ZNF551: variants seen among roughly 807,000 people sequenced by gnomAD.
ZNF551 encodes the protein KOX 23 protein (56 AA).
A neutral mutation model predicts 7.9 loss-of-function variants in ZNF551; 5 were observed. The observed-to-expected ratio is 0.63, with a 90% CI of 0.33 to 1.33. ZNF551 has a LOEUF of 1.33. Ranked by LOEUF, ZNF551 falls within the 40% of genes most tolerant of loss-of-function variation. The pLI is 0.05. For synonymous variants in ZNF551, 287 were observed against 277.3 expected (o/e 1.03, Z -0.35); for missense variants, 788 against 825.2 (o/e 0.95, Z 0.55).
Position 57,686,669 on chromosome 19 carries a change from T to C in ZNF551, c.394T>C (p.Tyr132His), listed in dbSNP as rs559577528. 6.2e-7 allele frequency: 1 copy of C among 1,614,206 alleles called. No homozygotes were observed. The highest frequency in any genetic ancestry group is 1.1e-5 in the South Asian group (1 of 91,088). The stretch of plus-strand genomic sequence containing the variant: ...AACCACATCCCCTGTGCAAAAGTCA[T>C]ACTTGGGTAGCACAAGCATGAGAGG... The part of the protein sequence containing the change: ...HQTTSPVQKS[Y>H]LGSTSMRGFC... Residue 132 changes from tyrosine to histidine, a missense_variant, in exon 3 of 3, where the codon TAC (tyrosine) becomes CAC (histidine). Physicochemically the swap from Tyr to His is moderately conservative, Grantham distance 83. Transcript: ENST00000282296.
chr19:57,683,620 G>A (rs535756480), intron 1 of ZNF551, among the ~76,000 whole-genome samples: 3 of 152,208 alleles, frequency 2.0e-5, no homozygotes, highest in South Asian at 4.1e-4. Context: ...TAGAGGGGAA[G>A]CCTGCTCACA....
chr19:57,685,050 G>A (rs553024036), intron 1 of ZNF551, among the ~76,000 whole-genome samples: 2 of 152,284 alleles, frequency 1.3e-5, no homozygotes, highest in South Asian at 2.1e-4. Flanking sequence ...CATGCCCAGA[G>A]CTTAGATAGC....
rs1383343521 is a variant in ZNF551, at chr19:57,687,480, A to T, written c.1205A>T (p.Gln402Leu). 1 of 1,614,022 alleles carries T rather than the reference A, an allele frequency of 6.2e-7. No individual in the cohort carries two copies. Among genetic ancestry groups the T allele is most frequent in the Non-Finnish European group, 8.5e-7 (1 of 1,180,000 alleles). The change falls in exon 3 of 3, where the codon CAA (glutamine) becomes CTA (leucine). Residue 402 changes from glutamine to leucine, a missense_variant. Physicochemically the swap from Gln to Leu is moderately radical, Grantham distance 113 (BLOSUM62 -2). Transcript: ENST00000282296. The stretch of plus-strand genomic sequence containing the variant: ...TGTGAGTGTGGGAAATCCTTTAGAC[A>T]AATCTTCAATCTCATTCGACATAGA... ...QCCECGKSFR[Q>L]IFNLIRHRRV...
At chr19:57,682,337 GCCCCAGT>G in intron 1 of ZNF551, 93 bp downstream of exon 1, 1 of 1,349,942 alleles carries the variant, frequency 7.4e-7, no homozygotes, top group African/African-American at 1.5e-5. Context: ...TGCAGCCCAG[GCCCCAGT>G]ACCCTGGACA....
In ZNF551 at chr19:57,686,904, G is replaced by A; in HGVS notation, c.629G>A (p.Ser210Asn). 6.2e-7 allele frequency: 1 copy of A among 1,614,172 alleles called. No individual in the cohort carries two copies. Among genetic ancestry groups the A allele is most frequent in the African/African-American group, 1.3e-5 (1 of 75,026 alleles). The change falls in exon 3 of 3, where the codon AGC becomes AAC. Residue 210 changes from serine (S) to asparagine (N), a missense_variant. Ser to Asn is a conservative substitution (Grantham distance 46). Transcript: ENST00000282296. Reference protein sequence around the residue: ...PSGEEPHSSSSKHIQAFFNAK... With the variant: ...PSGEEPHSSSNKHIQAFFNAK... ...GGTGAGGAGCCACACAGTAGCAGCA[G>A]CAAGCATATACAGGCATTTTTCAAT...
chr19:57,685,363 C>G lies in ZNF551; in HGVS notation c.183C>G (p.Asn61Lys), dbSNP rs944395012. Residue 61 changes from asparagine (N) to lysine (K), a missense_variant, in exon 2 of 3, where the codon AAC (asparagine) becomes AAG (lysine). By Grantham distance (94) the Asn-to-Lys change is moderately conservative. Transcript: ENST00000282296. ...TGTACTGCGATGTGATGCTGGAGAA[C>G]TTTGCACATGTAACATCCCTGGGTA... is the stretch of plus-strand genomic sequence containing the variant. ...RFLYCDVMLE[N>K]FAHVTSLGYC... The G allele has an allele frequency of 2.5e-6, 4 of 1,614,104 alleles. No homozygotes were observed. Among genetic ancestry groups the G allele is most frequent in the Non-Finnish European group, 2.5e-6 (3 of 1,179,976 alleles).
rs766548791 is a variant in ZNF551 at position 57,685,380 on chromosome 19, C to T, written c.200C>T (p.Ser67Phe). 12 of 1,613,928 alleles carry T rather than the reference C, an allele frequency of 7.4e-6. No individual in the cohort carries two copies. The highest frequency in any genetic ancestry group is 9.3e-6 in the Non-Finnish European group (11 of 1,179,976). The change falls in exon 2 of 3, where the codon TCC (serine) becomes TTC (phenylalanine). Residue 67 changes from serine (S) to phenylalanine (F), a missense_variant. Transcript: ENST00000282296. ...VMLENFAHVTSLGYCHGMENE... is the reference protein window; with the variant it reads ...VMLENFAHVTFLGYCHGMENE... The stretch of plus-strand genomic sequence containing the variant: ...CTGGAGAACTTTGCACATGTAACAT[C>T]CCTGGGTAAGGCCCTAGCATCCCTC...
chr19:57,683,066 A>G (rs529225237), intron 1 of ZNF551, among the ~76,000 whole-genome samples: 23 of 152,340 alleles, frequency 1.5e-4, no homozygotes, highest in African/African-American at 5.3e-4. Context: ...TGAGTTGTCT[A>G]TTCGTTACTT....
At chr19:57,683,837 C>T (rs143004540) in intron 1 of ZNF551, among the ~76,000 whole-genome samples, 1 of 151,980 alleles carries the variant, frequency 6.6e-6, no homozygotes, top group Non-Finnish European at 1.5e-5. Flanking sequence ...AGGAGTTAGA[C>T]AGGATGATGC....
At position 57,682,101 on chromosome 19, in the gene ZNF551, A is replaced by C; in HGVS notation, c.-63A>C. 2 of 1,502,548 alleles carry C rather than the reference A, an allele frequency of 1.3e-6. No homozygotes were observed. The highest frequency in any genetic ancestry group is 2.0e-5 in the Admixed American group (1 of 49,452). The allele number at this position is 1,502,548 out of a possible 1,614,324, so 93.1% of individuals were successfully genotyped here. ...CAGAGAAGTCGCGAAAGTGGGCCAG[A>C]GGTTCTGCGACACCACCTCGGGTGA... On this transcript the variant is annotated 5_prime_UTR_variant, in exon 1 of 3. Transcript: ENST00000282296.
At position 57,687,085 on chromosome 19, in the gene ZNF551, G is replaced by C; in HGVS notation, c.810G>C (p.Gln270His). 1 of 1,614,224 alleles carries C rather than the reference G, an allele frequency of 6.2e-7. No individual in the cohort carries two copies. Among genetic ancestry groups the C allele is most frequent in the Non-Finnish European group, 8.5e-7 (1 of 1,180,042 alleles). Residue 270 changes from glutamine (Q) to histidine (H), a missense_variant, in exon 3 of 3, where the codon CAG (glutamine) becomes CAC (histidine). Transcript: ENST00000282296. ...FTCKNTLVQH[Q>H]QIHTGQKMFE... ...GCAAGAACACACTTGTTCAGCACCA[G>C]CAAATTCACACTGGACAAAAGATGT...
intron 2 of ZNF551, among the ~76,000 whole-genome samples, chr19:57,685,886 T>A (rs939191648): frequency 2.3e-4 from 35 of 152,230 alleles, no homozygotes; most frequent in African/African-American, 8.2e-4. Flanking sequence ...GAACCTGTGA[T>A]GTGTCCAGCA....
At position 57,685,369 on chromosome 19, in the gene ZNF551, A is replaced by AG; in HGVS notation, c.189_190insG (p.His64AlafsTer14). 1 of 1,614,088 alleles carries AG rather than the reference A, an allele frequency of 6.2e-7. No homozygotes were observed. The highest frequency in any genetic ancestry group is 8.5e-7 in the Non-Finnish European group (1 of 1,179,986). ...GCGATGTGATGCTGGAGAACTTTGC[A>AG]CATGTAACATCCCTGGGTAAGGCCC... On this transcript the variant is annotated frameshift_variant, in exon 2 of 3. Transcript: ENST00000282296. LOFTEE classifies it low-confidence loss of function (END_TRUNC).
At position 57,686,365 on chromosome 19, in the gene ZNF551, G is replaced by A. The variant is rs532203713; in HGVS notation, c.206-116G>A. On this transcript the variant is annotated intron_variant, in intron 2 of 2. Coordinates refer to ENST00000282296, the MANE Select transcript of ZNF551 (RefSeq NM_138347.5). ...AACCAGCCTATTCCTCCCCAGTTCC[G>A]TTGTTCTCAGAACAGTTCCATGCAC... is the stretch of plus-strand genomic sequence containing the variant. 7.2e-4 allele frequency: 1,013 copies of A among 1,406,118 alleles called. 1 individual carries two copies. Among genetic ancestry groups the A allele is most frequent in the Non-Finnish European group, 9.2e-4 (959 of 1,043,674 alleles). 87.1% of individuals were successfully genotyped at this position (1,406,118 alleles called of 1,614,324 possible).
intron 1 of ZNF551, among the ~76,000 whole-genome samples, chr19:57,684,970 C>T (rs1221080347): frequency 6.6e-6 from 1 of 152,182 alleles, no homozygotes; most frequent in Non-Finnish European, 1.5e-5. Context: ...TCAGATCACT[C>T]ACACCCTGTC....
chr19:57,688,011 G>T lies in ZNF551; in HGVS notation c.1736G>T (p.Arg579Ile). 1 of 1,614,106 alleles carries T rather than the reference G, an allele frequency of 6.2e-7. No homozygotes were observed. Among genetic ancestry groups the T allele is most frequent in the South Asian group, 1.1e-5 (1 of 91,078 alleles). Residue 579 changes from arginine (R) to isoleucine (I), a missense_variant, in exon 3 of 3, where the codon AGA becomes ATA. Arg to Ile is a moderately conservative substitution (Grantham distance 97, BLOSUM62 -3). Transcript: ENST00000282296. Reference protein sequence around the residue: ...SQSASLIQHQRVHTGERPYEC... With the variant: ...SQSASLIQHQIVHTGERPYEC... ...AGTGCTAGCCTCATTCAACACCAGA[G>T]AGTTCACACTGGAGAAAGGCCTTAT...
chr19:57,685,154 T>A lies in ZNF551; in HGVS notation c.82-108T>A. 4 of 1,485,116 alleles carry A rather than the reference T, an allele frequency of 2.7e-6. No homozygotes were observed. In the South Asian group the frequency reaches 5.2e-5, roughly 19 times the overall value. 92.0% of individuals were successfully genotyped at this position (1,485,116 alleles called of 1,614,324 possible). A position where few individuals can be genotyped will look rare whatever the true frequency, so the allele number is the denominator to read the frequency against. The stretch of plus-strand genomic sequence containing the variant: ...TAGGCATCGGTGGCACTGTGGCTGG[T>A]TATCTCCGCTGAGGTGGGCAATAGG... On this transcript the variant is annotated intron_variant, in intron 1 of 2. Coordinates refer to ENST00000282296, the MANE Select transcript of ZNF551 (RefSeq NM_138347.5).
At position 57,685,357 on chromosome 19, in the gene ZNF551, G is replaced by A; in HGVS notation, c.177G>A (p.Leu59=). The A allele has an allele frequency of 6.2e-7, 1 of 1,614,142 alleles. No homozygotes were observed. The highest frequency in any genetic ancestry group is 8.5e-7 in the Non-Finnish European group (1 of 1,179,998). The stretch of plus-strand genomic sequence containing the variant: ...GGTTCCTGTACTGCGATGTGATGCT[G>A]GAGAACTTTGCACATGTAACATCCC... ...SQRFLYCDVM[L]ENFAHVTSLG... is the part of the protein sequence containing the mutation. The change falls in exon 2 of 3, where the codon CTG becomes CTA. Residue 59 remains leucine (L), a synonymous_variant. Coordinates refer to ENST00000282296, the MANE Select transcript of ZNF551 (RefSeq NM_138347.5).
At chr19:57,684,521 G>T (rs1057276625) in intron 1 of ZNF551, among the ~76,000 whole-genome samples, 2 of 152,108 alleles carry the variant, frequency 1.3e-5, no homozygotes, top group African/African-American at 4.8e-5. Flanking sequence ...TTCCTTGCAT[G>T]GCAGGCTCAG....
Sources: allele counts gnomAD v4.1 joint callset (sites outside exome capture counted in the v4.1 genomes callset), GRCh38; gene constraint gnomAD v4.1.1; transcripts MANE v1.5; gene names NCBI Gene and HGNC (gene_info 2026-07-23, HGNC 2026-07-21).